Variants in GPHN observed in about 807,000 individuals in gnomAD.
GPHN encodes gephyrin.
In GPHN, 17 loss-of-function variants were observed where a neutral mutation model predicts 95.5. The ratio of observed to expected loss-of-function variants is 0.18; its 90% CI spans 0.12 to 0.27. The LOEUF is 0.27. GPHN is among the 10% of genes least tolerant of loss of function. The probability of loss-of-function intolerance (pLI) is 1.00; values close to 1 mark genes in which losing one functional copy is unlikely to be tolerated. For missense variants in GPHN, 660 were observed against 978.1 expected, an observed-to-expected ratio of 0.67 and a Z score of 4.34; for synonymous variants, 320 against 322.5, an observed-to-expected ratio of 0.99 and a Z score of 0.08.
chr14:67,406,371 G>A, the GPHN span, among the ~76,000 whole-genome samples: 6 of 152,206 alleles, frequency 3.9e-5, no homozygotes, highest in African/African-American at 7.2e-5. Context: ...CTGAGGTGGG[G>A]TTAGGTACAT....
At chr14:67,383,520 A>C in the GPHN span, 1 of 1,576,140 alleles carries the variant, frequency 6.3e-7, no homozygotes, top group Non-Finnish European at 8.6e-7. Context: ...AAAGTTTTCC[A>C]GTATTGAAAA....
At chr14:67,623,604 C>T in the GPHN span, among the ~76,000 whole-genome samples, 2 of 126,008 alleles carry the variant, frequency 1.6e-5, no homozygotes, top group Admixed American at 1.1e-4. Flanking sequence ...TACAGTGATG[C>T]GATCTTGGCT....
chr14:67,496,102 T>C, the GPHN span, among the ~76,000 whole-genome samples: 2 of 152,242 alleles, frequency 1.3e-5, no homozygotes, highest in African/African-American at 2.4e-5. Flanking sequence ...GGTGGGAGGA[T>C]TGCTTGAGCC....
intron 5 of GPHN, among the ~76,000 whole-genome samples, chr14:66,912,881 T>A (rs1171961151): frequency 1.3e-5 from 2 of 152,150 alleles, no homozygotes; most frequent in Non-Finnish European, 2.9e-5. Flanking sequence ...ATTAAAGAAG[T>A]TTAGTAATGA....
chr14:67,199,812 G>A, the GPHN span: 2 of 1,510,430 alleles, frequency 1.3e-6, no homozygotes, highest in African/African-American at 2.8e-5. Context: ...CTGCCTCCTG[G>A]AGCCCTCCCA....
At chr14:67,001,527 A>T (rs1054440065) in intron 9 of GPHN, among the ~76,000 whole-genome samples, 1 of 151,548 alleles carries the variant, frequency 6.6e-6, no homozygotes, top group Non-Finnish European at 1.5e-5. Flanking sequence ...TAATGTTCTT[A>T]AAGTTTCCCT....
At chr14:67,657,597 T>TGC in the GPHN span, among the ~76,000 whole-genome samples, 38 of 119,444 alleles carry the variant, frequency 3.2e-4, no homozygotes, top group African/African-American at 1.1e-3. Flanking sequence ...CGCGCGCGCG[T>TGC]GCACACACAC....
chr14:66,935,728 AC>A (rs1427385693), intron 8 of GPHN, among the ~76,000 whole-genome samples: 1 of 151,872 alleles, frequency 6.6e-6, no homozygotes, highest in Non-Finnish European at 1.5e-5. Flanking sequence ...GTGCACGTAT[AC>A]ATGTGTTTAT....
rs557969106 is a variant in GPHN at position 66,998,937 on chromosome 14, C to T, written c.964-24696C>T. 7.4e-5 allele frequency among the ~76,000 whole-genome samples: 11 copies of T among 148,196 alleles called. No homozygotes were observed. In the East Asian group the frequency reaches 2.2e-3, roughly 29 times the overall value. The stretch of plus-strand genomic sequence containing the variant: ...TATATATATACACACAATTATTTTA[C>T]TTGTGATAAGCTTTGTTTTTGATAT... On this transcript the variant is annotated intron_variant, in intron 9 of 22. Transcript: ENST00000478722.
chr14:67,364,077 A>T, the GPHN span: 1 of 152,222 alleles, frequency 6.6e-6, no homozygotes, highest in African/African-American at 2.4e-5. Context: ...GATTAAAGCT[A>T]TTCTCAAGAT....
At chr14:66,978,366 A>G (rs562503730) in intron 9 of GPHN, among the ~76,000 whole-genome samples, 27 of 152,212 alleles carry the variant, frequency 1.8e-4, no homozygotes, top group Middle Eastern at 3.2e-3. Context: ...ACTTCCTTCA[A>G]AATTGGAGTC....
chr14:67,093,661 C>A (rs974394174), intron 12 of GPHN, among the ~76,000 whole-genome samples: 2 of 152,050 alleles, frequency 1.3e-5, no homozygotes, highest in Non-Finnish European at 2.9e-5. Context: ...TAGGCATTTT[C>A]CCTGGAAGAT....
At chr14:66,676,657 A>G (rs917102718) in intron 1 of GPHN, among the ~76,000 whole-genome samples, 17 of 144,870 alleles carry the variant, frequency 1.2e-4, no homozygotes, top group African/African-American at 4.4e-4. Flanking sequence ...GATAAATTCC[A>G]CTCAATCGTA....
At chr14:66,955,291 T>G (rs1398864532) in intron 8 of GPHN, among the ~76,000 whole-genome samples, 1 of 152,210 alleles carries the variant, frequency 6.6e-6, no homozygotes, top group Non-Finnish European at 1.5e-5. Flanking sequence ...TTTTAGTGGT[T>G]CTATTCAGAT....
chr14:67,626,069 A>G, the GPHN span, among the ~76,000 whole-genome samples: 1 of 152,096 alleles, frequency 6.6e-6, no homozygotes, highest in East Asian at 1.9e-4. Flanking sequence ...CCTGATCAAC[A>G]TGGTGAAACT....
chr14:67,492,946 A>T, the GPHN span, among the ~76,000 whole-genome samples: 1 of 152,212 alleles, frequency 6.6e-6, no homozygotes, highest in Non-Finnish European at 1.5e-5. Flanking sequence ...ATATTATGCC[A>T]TGAAGATGGG....
the GPHN span, among the ~76,000 whole-genome samples, chr14:67,391,278 T>TGTGC: frequency 1.3e-5 from 2 of 149,434 alleles, no homozygotes; most frequent in African/African-American, 5.1e-5. Context: ...GATATGTGTG[T>TGTGC]GTGTGTGTGT....
the GPHN span, chr14:67,335,243 C>T: frequency 3.3e-5 from 5 of 152,184 alleles, no homozygotes; most frequent in African/African-American, 9.7e-5. Context: ...TGATATTCAA[C>T]ATAGTCCTTA....
chr14:67,339,697 C>CT, the GPHN span, among the ~76,000 whole-genome samples: 1 of 152,124 alleles, frequency 6.6e-6, no homozygotes, highest in African/African-American at 2.4e-5. Context: ...TGCTTTATAC[C>CT]TTCTCCTGAA....
Sources: allele counts gnomAD v4.1 joint callset (sites outside exome capture counted in the v4.1 genomes callset), GRCh38; gene constraint gnomAD v4.1.1; transcripts MANE v1.5; gene names NCBI Gene and HGNC (gene_info 2026-07-23, HGNC 2026-07-21).